The following SHISA6 variants were observed in gnomAD, a reference collection of about 807,000 sequenced individuals.
SHISA6 encodes the protein protein shisa-6.
Under a neutral mutation model 47.9 loss-of-function variants are expected in SHISA6, and 22 were observed. The ratio of observed to expected loss-of-function variants is 0.46; its 90% CI spans 0.33 to 0.66. The LOEUF is 0.66. Ranked by LOEUF, SHISA6 falls within the 30% of genes least tolerant of loss-of-function variation. The pLI, the probability that SHISA6 is intolerant of heterozygous loss-of-function variation, is 0.02. For missense variants in SHISA6, 680 were observed against 764.6 expected, an observed-to-expected ratio of 0.89 and a Z score of 1.30; for synonymous variants, 388 against 337.8, an observed-to-expected ratio of 1.15 and a Z score of -1.63.
chr17:11,410,388 T>C (rs991705160), intron 3 of SHISA6, among the ~76,000 whole-genome samples: 1 of 152,218 alleles, frequency 6.6e-6, no homozygotes, highest in African/African-American at 2.4e-5. Context: ...GTAGGTACTA[T>C]GAACTTCTGG....
rs2142382677 is a variant in SHISA6, at chr17:11,545,517, T to C, written c.896-6379T>C. On this transcript the variant is annotated intron_variant, in intron 3 of 5. Transcript: ENST00000441885. ...TGATTTTGATATAGTACTATATTTT[T>C]ACAAAATGGAGAAACTGAGCAATGA... Among the ~76,000 whole-genome samples the C allele has an allele frequency of 1.3e-5, 2 of 152,318 alleles. 1 individual carries two copies. The highest frequency in any genetic ancestry group is 4.1e-4 in the South Asian group (2 of 4,828).
chr17:11,342,120 A>G (rs1162755031), intron 2 of SHISA6, among the ~76,000 whole-genome samples: 1 of 151,900 alleles, frequency 6.6e-6, no homozygotes, highest in African/African-American at 2.4e-5. Flanking sequence ...GATGGGGGAG[A>G]AGCCTCCGCC....
rs148262377 is a variant in SHISA6, at chr17:11,551,568, C to T, written c.896-328C>T. Among the ~76,000 whole-genome samples the T allele has an allele frequency of 5.9e-5, 9 of 152,278 alleles. No individual in the cohort carries two copies. In the East Asian group the frequency reaches 1.2e-3, roughly 20 times the overall value. The stretch of plus-strand genomic sequence containing the variant: ...GCTTAGTTCCCCCACCCTGTCCATG[C>T]ACGCATGCATGCATACCTGCCAAAC... On this transcript the variant is annotated intron_variant, in intron 3 of 5. Transcript: ENST00000441885.
intron 3 of SHISA6, among the ~76,000 whole-genome samples, chr17:11,532,021 G>A (rs571408730): frequency 2.3e-4 from 35 of 152,218 alleles, no homozygotes; most frequent in African/African-American, 8.4e-4. Context: ...AATCCACGCA[G>A]AGGAAATATG....
In SHISA6 at chr17:11,263,491, A is replaced by T; in HGVS notation, c.764A>T (p.His255Leu). 1 of 1,551,646 alleles carries T rather than the reference A, an allele frequency of 6.4e-7. No homozygotes were observed. Among genetic ancestry groups the T allele is most frequent in the African/African-American group, 1.4e-5 (1 of 73,130 alleles). The stretch of plus-strand genomic sequence containing the variant: ...CCGGTCAGATCGTCCTCCAAAAACC[A>T]CTACACTCCTGTGCGTACGGCCAAG... ...NTPVRSSSKN[H>L]YTPVRTAKQT... The change falls in exon 2 of 6, where the codon CAC becomes CTC. Residue 255 changes from histidine (H) to leucine (L), a missense_variant. Around this residue, in one of 2 missense-constraint regions of SHISA6, gnomAD observed 559 missense variants for 674.1 expected, o/e 0.83. Coordinates refer to ENST00000441885, the MANE Select transcript of SHISA6 (RefSeq NM_207386.4).
chr17:11,496,110 T>C (rs1024904195), intron 3 of SHISA6, among the ~76,000 whole-genome samples: 4 of 152,162 alleles, frequency 2.6e-5, no homozygotes, highest in African/African-American at 9.6e-5. Flanking sequence ...AGAGTCTACT[T>C]GCAACTACAC....
chr17:11,368,132 A>C (rs1345209407), intron 2 of SHISA6, among the ~76,000 whole-genome samples: 1 of 152,224 alleles, frequency 6.6e-6, no homozygotes, highest in Non-Finnish European at 1.5e-5. Flanking sequence ...ATACAGTACA[A>C]GACTCGGTGT....
At chr17:11,479,231 C>T (rs532958431) in intron 3 of SHISA6, among the ~76,000 whole-genome samples, 1 of 151,820 alleles carries the variant, frequency 6.6e-6, no homozygotes, top group Non-Finnish European at 1.5e-5. Context: ...GAGTGAGACT[C>T]CTTCTTAAAA....
chr17:11,244,836 A>G (rs1907512889), intron 1 of SHISA6, among the ~76,000 whole-genome samples: 1 of 152,160 alleles, frequency 6.6e-6, no homozygotes, highest in Non-Finnish European at 1.5e-5. Context: ...CCCCCTGAAG[A>G]TGATAGGTGG....
At chr17:11,481,649 C>A (rs1229703409) in intron 3 of SHISA6, among the ~76,000 whole-genome samples, 1 of 151,728 alleles carries the variant, frequency 6.6e-6, no homozygotes, top group Non-Finnish European at 1.5e-5. Context: ...CACACCACAA[C>A]GCCTGGCTAA....
At chr17:11,465,273 G>A (rs1160613346) in intron 3 of SHISA6, among the ~76,000 whole-genome samples, 1 of 152,150 alleles carries the variant, frequency 6.6e-6, no homozygotes, top group Non-Finnish European at 1.5e-5. Flanking sequence ...GGAAGCATCG[G>A]CTATAGCAAT....
rs116566180 is a variant in SHISA6, at chr17:11,271,030, G to T, written c.799+7504G>T. Among the ~76,000 whole-genome samples, 218 of 152,282 alleles carry T rather than the reference G, an allele frequency of 1.4e-3. 1 individual carries two copies. In the Middle Eastern group the frequency reaches 0.027, roughly 19 times the overall value. On this transcript the variant is annotated intron_variant, in intron 2 of 5. Coordinates refer to ENST00000441885, the MANE Select transcript of SHISA6 (RefSeq NM_207386.4). ...TTGCAGCAGGGCCCAGGGTCTCTAG[G>T]GTGCAAATGGAGAGGCAGCAGGTGT...
chr17:11,274,814 C>G (rs981825929), intron 2 of SHISA6, among the ~76,000 whole-genome samples: 2 of 152,142 alleles, frequency 1.3e-5, no homozygotes, highest in African/African-American at 4.8e-5. Flanking sequence ...GGTGCCCCTC[C>G]AGAATTATAG....
intron 3 of SHISA6, among the ~76,000 whole-genome samples, chr17:11,415,421 A>G (rs895082339): frequency 5.3e-5 from 8 of 152,110 alleles, no homozygotes; most frequent in African/African-American, 1.9e-4. Flanking sequence ...TTATAAATGA[A>G]CCTAAAATAC....
At chr17:11,391,989 A>C (rs1332373369) in intron 3 of SHISA6, among the ~76,000 whole-genome samples, 5 of 152,154 alleles carry the variant, frequency 3.3e-5, no homozygotes, top group Non-Finnish European at 7.3e-5. Context: ...GACTGAAAAG[A>C]AGTGGCTTTT....
At chr17:11,456,999 C>T (rs908254429) in intron 3 of SHISA6, among the ~76,000 whole-genome samples, 3 of 152,208 alleles carry the variant, frequency 2.0e-5, no homozygotes, top group African/African-American at 7.2e-5. Context: ...TACCTACAAT[C>T]TCATCCAGTT....
At chr17:11,548,177 C>A (rs2071898359) in intron 3 of SHISA6, among the ~76,000 whole-genome samples, 1 of 152,094 alleles carries the variant, frequency 6.6e-6, no homozygotes, top group South Asian at 2.1e-4. Context: ...ATCTGCCTCC[C>A]AAAATTGGTG....
intron 3 of SHISA6, among the ~76,000 whole-genome samples, chr17:11,542,768 T>C (rs2071844720): frequency 6.6e-6 from 1 of 152,160 alleles, no homozygotes. Flanking sequence ...CTCTACCTCC[T>C]TCAGATGGGG....
intron 2 of SHISA6, among the ~76,000 whole-genome samples, chr17:11,366,086 G>A (rs1472671004): frequency 6.6e-6 from 1 of 152,222 alleles, no homozygotes; most frequent in East Asian, 1.9e-4. Context: ...GGGAAAAGTG[G>A]TGTGAGGGAG....
Sources: allele counts gnomAD v4.1 joint callset (sites outside exome capture counted in the v4.1 genomes callset), GRCh38; gene constraint gnomAD v4.1.1; regional missense constraint gnomAD v4.1.1; transcripts MANE v1.5; gene names NCBI Gene and HGNC (gene_info 2026-07-23, HGNC 2026-07-21).